The following DEPDC1 variants were observed in gnomAD, a reference collection of about 807,000 sequenced individuals.
The protein encoded by DEPDC1 is DEP domain containing 1.
Under a neutral mutation model 86.8 loss-of-function variants are expected in DEPDC1, and 66 were observed. The ratio of observed to expected loss-of-function variants is 0.76; its 90% CI spans 0.62 to 0.93. The LOEUF (loss-of-function observed/expected upper bound fraction) is 0.93. Ranked by LOEUF, DEPDC1 falls within the 40% of genes least tolerant of loss-of-function variation. DEPDC1 has a pLI of 0.00. For synonymous variants in DEPDC1, 255 were observed against 314.9 expected (o/e 0.81, Z 2.02); for missense variants, 792 against 935.7 (o/e 0.85, Z 2.00).
rs1301873090 is a variant in DEPDC1 at position 68,479,261 on chromosome 1, CTCA to C, written c.1992_1994del (p.Asp664del). The C allele has an allele frequency of 6.8e-6, 11 of 1,612,384 alleles. No individual in the cohort carries two copies. The highest frequency in any genetic ancestry group is 7.6e-6 in the Non-Finnish European group (9 of 1,179,088). On this transcript the variant is annotated inframe_deletion, in exon 10 of 12. Transcript: ENST00000456315. ...AAGAAACTAATCTTCCAGCAAGAAG[CTCA>C]TCAAGATCCACTTCTTCAGCACAGC...
intron 9 of DEPDC1, 116 bp from the exon 10 acceptor site, chr1:68,479,436 T>C (rs1646138808): frequency 1.4e-6 from 1 of 708,432 alleles, no homozygotes; most frequent in Non-Finnish European, 2.2e-6. Context: ...TAAGCAGCCC[T>C]CAGTTTAAAA....
intron 11 of DEPDC1, 63 bp from the exon 12 acceptor site, chr1:68,477,132 C>A: frequency 7.4e-7 from 1 of 1,356,802 alleles, no homozygotes; most frequent in Non-Finnish European, 1.0e-6. Context: ...AAGCAGTGCT[C>A]AACATTTTAT....
In DEPDC1 at chr1:68,482,383, A is replaced by G. The variant is rs1207238389; in HGVS notation, c.1425T>C (p.Ile475=). The change falls in exon 8 of 12, where the codon ATT becomes ATC. Residue 475 remains isoleucine, a synonymous_variant. Coordinates refer to ENST00000456315, the MANE Select transcript of DEPDC1 (RefSeq NM_001114120.3). The part of the protein sequence containing the change: ...FLLNLHSEEN[I]QKPFSAGFKR... ...TAAAACCAGCACTGAATGGCTTTTG[A>G]ATATTTTCCTCTGAATGAAGATTCA... 7 of 1,612,702 alleles carry G rather than the reference A, an allele frequency of 4.3e-6. No homozygotes were observed. In the South Asian group the frequency reaches 7.7e-5, roughly 18 times the overall value.
chr1:68,496,863 G>GTAAAACTGCGAACGGTCGAGA lies in DEPDC1; in HGVS notation c.48+88_48+89insTCTCGACCGTTCGCAGTTTTA. 7.3e-7 allele frequency: 1 copy of GTAAAACTGCGAACGGTCGAGA among 1,377,322 alleles called. No individual in the cohort carries two copies. Among genetic ancestry groups the GTAAAACTGCGAACGGTCGAGA allele is most frequent in the Non-Finnish European group, 1.0e-6 (1 of 978,720 alleles). The allele number at this position is 1,377,322 out of a possible 1,614,324, so 85.3% of individuals were successfully genotyped here. On this transcript the variant is annotated intron_variant, in intron 1 of 11. Transcript: ENST00000456315. The surrounding 1 kb of genome is among the most constrained non-coding windows in gnomAD (Gnocchi z 4.0). ...CCTGGGACTCATCCCTCCGACCGAG[G>GTAAAACTGCGAACGGTCGAGA]TAAAACTGCGAACGGTCGAGGTAAA...
At chr1:68,485,002 T>C (rs1181728681) in intron 6 of DEPDC1, among the ~76,000 whole-genome samples, 1 of 151,666 alleles carries the variant, frequency 6.6e-6, no homozygotes, top group Non-Finnish European at 1.5e-5. Flanking sequence ...GTCTCTTTAG[T>C]GACTGTGGTA....
chr1:68,497,016 G>A lies in DEPDC1; in HGVS notation c.-17C>T, dbSNP rs768771763. 1.2e-6 allele frequency: 2 copies of A among 1,610,878 alleles called. No individual in the cohort carries two copies. Among genetic ancestry groups the A allele is most frequent in the African/African-American group, 2.7e-5 (2 of 74,752 alleles). On this transcript the variant is annotated 5_prime_UTR_variant, in exon 1 of 12. Coordinates refer to ENST00000456315, the MANE Select transcript of DEPDC1 (RefSeq NM_001114120.3). ...ACTCTCCATAGGTCTGTCAGCGCCC[G>A]GTGGCGTCCATGGCGGCGAAGGCGA...
rs745977055 is a variant in DEPDC1, at chr1:68,477,919, A to G, written c.2166T>C (p.Cys722=). 2 of 1,585,032 alleles carry G rather than the reference A, an allele frequency of 1.3e-6. No individual in the cohort carries two copies. The highest frequency in any genetic ancestry group is 1.7e-6 in the Non-Finnish European group (2 of 1,165,716). ...CAAACTCCTGAGCACTAATCTGCTT[A>G]CAGTATGAGTAAGTTGGCAAAGGAG... ...LFAPLPTYSY[C]KQISAQEFDE... The change falls in exon 11 of 12, where the codon TGT becomes TGC. Residue 722 remains cysteine, a synonymous_variant. Coordinates refer to ENST00000456315, the MANE Select transcript of DEPDC1 (RefSeq NM_001114120.3).
chr1:68,477,499 TCC>T (rs1400611933), intron 11 of DEPDC1, among the ~76,000 whole-genome samples: 1 of 151,712 alleles, frequency 6.6e-6, no homozygotes, highest in Non-Finnish European at 1.5e-5. Context: ...TAAATTGCTT[TCC>T]CAGGCTAATC....
chr1:68,491,582 C>CT (rs1435285337), intron 2 of DEPDC1, among the ~76,000 whole-genome samples: 1 of 152,140 alleles, frequency 6.6e-6, no homozygotes, highest in African/African-American at 2.4e-5. Context: ...TAAATAACTC[C>CT]TTTTTTAAAA....
rs1255726586 is a variant in DEPDC1 at position 68,474,557 on chromosome 1, C to T, written c.*2375G>A. On this transcript the variant is annotated 3_prime_UTR_variant, in exon 12 of 12. Coordinates refer to ENST00000456315, the MANE Select transcript of DEPDC1 (RefSeq NM_001114120.3). ...CTGATCTGGTGAAACCTGTGCATTC[C>T]CACAATTAGGCTTTTTCACACTTTC... 6.6e-6 allele frequency: 1 copy of T among 151,948 alleles called. No homozygotes were observed. Among genetic ancestry groups the T allele is most frequent in the Admixed American group, 6.6e-5 (1 of 15,222 alleles). 9.4% of individuals were successfully genotyped at this position (151,948 alleles called of 1,614,324 possible).
intron 8 of DEPDC1, 169 bp downstream of exon 8, chr1:68,481,877 G>T: frequency 2.8e-6 from 2 of 712,138 alleles, no homozygotes; most frequent in Non-Finnish European, 4.2e-6. Context: ...AAGTTCCTTA[G>T]GTAAACAGAA....
chr1:68,490,262 C>T (rs540275609), intron 2 of DEPDC1, among the ~76,000 whole-genome samples: 6 of 152,056 alleles, frequency 3.9e-5, no homozygotes, highest in Non-Finnish European at 7.4e-5. Context: ...TGAACCTCTC[C>T]CTCCTCACAC....
In DEPDC1 at chr1:68,488,326, A is replaced by T. The variant is rs1487010922; in HGVS notation, c.721+48T>A. 4 of 1,536,558 alleles carry T rather than the reference A, an allele frequency of 2.6e-6. No individual in the cohort carries two copies. The African/African-American group carries it at 5.7e-5, about 22-fold the overall frequency. On this transcript the variant is annotated intron_variant, in intron 5 of 11. Coordinates refer to ENST00000456315, the MANE Select transcript of DEPDC1 (RefSeq NM_001114120.3). ...CTCTCTTTACACTACTATAGCTGCA[A>T]CCTTGTTGGCAAGTTTTTAAAAGTC...
chr1:68,477,187 TC>T, intron 11 of DEPDC1, 118 bp from the exon 12 acceptor site: 2 of 749,204 alleles, frequency 2.7e-6, no homozygotes, highest in Non-Finnish European at 2.0e-6. Context: ...GAGATTAGTA[TC>T]CTTTCATTTT....
chr1:68,482,402 A>T lies in DEPDC1; in HGVS notation c.1406T>A (p.Leu469His). 6.2e-7 allele frequency: 1 copy of T among 1,612,824 alleles called. No individual in the cohort carries two copies. Among genetic ancestry groups the T allele is most frequent in the Non-Finnish European group, 8.5e-7 (1 of 1,179,250 alleles). Residue 469 changes from leucine to histidine, a missense_variant, in exon 8 of 12, where the codon CTT (leucine) becomes CAT (histidine). Physicochemically the swap from Leu to His is moderately conservative, Grantham distance 99 (BLOSUM62 -3). Transcript: ENST00000456315. Reference sequence around the variant, plus strand: ...CTTTTGAATATTTTCCTCTGAATGAAGATTCAACAGGAATTCCTGTTTGGG... The same window carrying T: ...CTTTTGAATATTTTCCTCTGAATGATGATTCAACAGGAATTCCTGTTTGGG... ...SKPKQEFLLN[L>H]HSEENIQKPF...
Position 68,474,714 on chromosome 1 carries a change from TTA to T in DEPDC1, c.*2216_*2217del, listed in dbSNP as rs1489682064. The T allele has an allele frequency of 6.6e-6, 1 of 152,064 alleles. No individual in the cohort carries two copies. Among genetic ancestry groups the T allele is most frequent in the African/African-American group, 2.4e-5 (1 of 41,428 alleles). The allele number at this position is 152,064 out of a possible 1,614,324, so 9.4% of individuals were successfully genotyped here. ...CATCTATATTTGAACTTAAAGATCT[TTA>T]TGTTAGAATGGAATCTATCCATGTT... On this transcript the variant is annotated 3_prime_UTR_variant, in exon 12 of 12. Coordinates refer to ENST00000456315, the MANE Select transcript of DEPDC1 (RefSeq NM_001114120.3).
intron 6 of DEPDC1, among the ~76,000 whole-genome samples, chr1:68,485,471 C>G (rs1022527109): frequency 6.6e-6 from 1 of 151,936 alleles, no homozygotes; most frequent in African/African-American, 2.4e-5. Flanking sequence ...TCTGGGGGAT[C>G]GAATAACAAG....
intron 9 of DEPDC1, 119 bp from the exon 10 acceptor site, chr1:68,479,439 G>A (rs1437517949): frequency 1.4e-5 from 9 of 661,826 alleles, no homozygotes; most frequent in Admixed American, 6.9e-5. Flanking sequence ...GCAGCCCTCA[G>A]TTTAAAAATG....
intron 9 of DEPDC1, among the ~76,000 whole-genome samples, chr1:68,480,957 G>A (rs1009275254): frequency 6.6e-6 from 1 of 151,978 alleles, no homozygotes; most frequent in African/African-American, 2.4e-5. Flanking sequence ...TTCACAAGGA[G>A]CCTAAGGCTG....
Sources: gnomAD v4.1 joint callset for allele counts (sites outside exome capture counted in the v4.1 genomes callset) on GRCh38, gnomAD v4.1.1 for gene constraint, Gnocchi (gnomAD v3.1) non-coding constraint, MANE v1.5 for transcripts, NCBI Gene and HGNC (gene_info 2026-07-23, HGNC 2026-07-21) for gene names.